The following PKP4 variants were observed in gnomAD, a reference collection of about 807,000 sequenced individuals.
PKP4 encodes plakophilin-4.
Under a neutral mutation model 145.1 loss-of-function variants are expected in PKP4, and 90 were observed. The observed-to-expected ratio is 0.62, with a 90% CI of 0.52 to 0.74. The LOEUF (loss-of-function observed/expected upper bound fraction) is 0.74, where lower values mean the gene tolerates loss of function less well. PKP4 is among the 30% of genes least tolerant of loss of function. PKP4 has a pLI of 0.00. For synonymous variants in PKP4, 563 were observed against 577.2 expected (o/e 0.98, Z 0.35); for missense variants, 1,340 against 1,482.7 (o/e 0.90, Z 1.58).
chr2:158,680,498 C>T lies in PKP4; in HGVS notation c.3400C>T (p.Gln1134Ter). ...KNFDAYRLYL[Q>*]SPHSYEDPYF... ...CTTTGATGCATACAGATTGTATTTG[C>T]AGTCTCCTCATAGCTATGAAGATCC... is the stretch of plus-strand genomic sequence containing the variant. Residue 1134 changes from glutamine (Q) to a stop codon, truncating the protein, a stop_gained, in exon 22 of 22, where the codon CAG becomes TAG. Coordinates refer to ENST00000389759, the MANE Select transcript of PKP4 (RefSeq NM_003628.6). LOFTEE classifies it high-confidence loss of function. 2 of 1,613,108 alleles carry T rather than the reference C, an allele frequency of 1.2e-6. No individual in the cohort carries two copies. The highest frequency in any genetic ancestry group is 1.7e-6 in the Non-Finnish European group (2 of 1,179,046).
At chr2:158,644,582 T>A (rs1292859387) in intron 11 of PKP4, among the ~76,000 whole-genome samples, 2 of 25,240 alleles carry the variant, frequency 7.9e-5, no homozygotes, top group Non-Finnish European at 2.2e-4. Context: ...AGAATACACA[T>A]AACAGATACA....
At chr2:158,477,055 G>A (rs1692589984) in intron 1 of PKP4, among the ~76,000 whole-genome samples, 1 of 149,160 alleles carries the variant, frequency 6.7e-6, no homozygotes, top group Non-Finnish European at 1.5e-5. Context: ...CCTTAAAATT[G>A]GACAATTTTT....
At chr2:158,549,104 T>C (rs1032438646) in intron 2 of PKP4, 4 of 199,120 alleles carry the variant, frequency 2.0e-5, no homozygotes, top group Admixed American at 1.4e-4. Flanking sequence ...CCAATTACAA[T>C]GATAGATATG....
intron 9 of PKP4, among the ~76,000 whole-genome samples, chr2:158,638,880 G>A (rs144341713): frequency 3.5e-4 from 53 of 152,290 alleles, no homozygotes; most frequent in African/African-American, 1.0e-3. Flanking sequence ...TAATCTGCAT[G>A]ACACCCATCT....
intron 2 of PKP4, among the ~76,000 whole-genome samples, chr2:158,550,140 A>AAACTATTAATTCTATTAAT (rs550269421): frequency 6.6e-6 from 1 of 151,864 alleles, no homozygotes; most frequent in Non-Finnish European, 1.5e-5. Context: ...TTCTGCCAAG[A>AAACTATTAATTCTATTAAT]AGAAGTTAAA....
intron 17 of PKP4, among the ~76,000 whole-genome samples, 191 bp downstream of exon 17, chr2:158,670,106 A>G (rs892728066): frequency 2.0e-5 from 3 of 152,096 alleles, no homozygotes; most frequent in African/African-American, 7.2e-5. Context: ...TATGGGGCCT[A>G]TTTTTGGTTT....
At chr2:158,590,381 T>C (rs1158640700) in intron 3 of PKP4, among the ~76,000 whole-genome samples, 1 of 150,134 alleles carries the variant, frequency 6.7e-6, no homozygotes, top group Admixed American at 6.6e-5. Context: ...TTCTAGACTT[T>C]TTTTTTTTTT....
chr2:158,501,494 T>A (rs539631654), intron 1 of PKP4, among the ~76,000 whole-genome samples: 1 of 152,324 alleles, frequency 6.6e-6, no homozygotes, highest in East Asian at 1.9e-4. Context: ...CTGCACAGCC[T>A]CCCTACCTGA....
At chr2:158,513,594 G>A (rs775597651) in intron 1 of PKP4, among the ~76,000 whole-genome samples, 4 of 151,896 alleles carry the variant, frequency 2.6e-5, no homozygotes, top group Non-Finnish European at 5.9e-5. Flanking sequence ...GCTCCTCACC[G>A]GGCTTTCCAG....
At chr2:158,531,707 C>T (rs1251944731) in intron 1 of PKP4, among the ~76,000 whole-genome samples, 5 of 152,140 alleles carry the variant, frequency 3.3e-5, no homozygotes, top group South Asian at 2.1e-4. Flanking sequence ...AGAAACTCCC[C>T]CCAGGGCACT....
In PKP4 at chr2:158,554,186, AGCC is replaced by A. The variant is rs1268999216; in HGVS notation, c.132+20871_132+20873del. 3.3e-3 allele frequency among the ~76,000 whole-genome samples: 497 copies of A among 151,148 alleles called. 2 individuals are homozygous for A. Among genetic ancestry groups the A allele is most frequent in the South Asian group, 7.2e-3 (34 of 4,732 alleles). On this transcript the variant is annotated intron_variant, in intron 2 of 21. Coordinates refer to ENST00000389759, the MANE Select transcript of PKP4 (RefSeq NM_003628.6). ...TTCCTCCTCTCTCCTGACATTCAGT[AGCC>A]TTCTGGCACTCACTGTCATTCGCTG...
intron 1 of PKP4, among the ~76,000 whole-genome samples, chr2:158,470,928 T>TCTTC (rs1195724928): frequency 7.9e-5 from 12 of 152,234 alleles, no homozygotes; most frequent in African/African-American, 2.9e-4. Context: ...AAAACCCCAG[T>TCTTC]CTTCCTTAGG....
intron 1 of PKP4, among the ~76,000 whole-genome samples, chr2:158,514,642 T>TA (rs1339417484): frequency 6.6e-6 from 1 of 152,198 alleles, no homozygotes; most frequent in African/African-American, 2.4e-5. Context: ...AGAGCTACTT[T>TA]AAAAAATTGC....
chr2:158,500,040 C>G (rs959795449), intron 1 of PKP4, among the ~76,000 whole-genome samples: 1 of 152,190 alleles, frequency 6.6e-6, no homozygotes, highest in African/African-American at 2.4e-5. Context: ...GAAAGTCATC[C>G]TCAATACAAA....
At chr2:158,523,660 G>A (rs960394361) in intron 1 of PKP4, among the ~76,000 whole-genome samples, 45 of 134,328 alleles carry the variant, frequency 3.4e-4, no homozygotes, top group Non-Finnish European at 6.5e-4. Flanking sequence ...GAGAGAAGAA[G>A]GTTTCAGACG....
intron 1 of PKP4, among the ~76,000 whole-genome samples, chr2:158,528,669 G>GAAAAAAAAAA (rs59566011): frequency 1.2e-5 from 1 of 85,972 alleles, no homozygotes; most frequent in Admixed American, 1.4e-4. Context: ...CTTACTAAAT[G>GAAAAAAAAAA]AAAAAAAAAA....
At chr2:158,572,727 A>G (rs1328977942) in intron 2 of PKP4, among the ~76,000 whole-genome samples, 2 of 152,344 alleles carry the variant, frequency 1.3e-5, no homozygotes, top group East Asian at 3.9e-4. Context: ...AAAAACTTAA[A>G]TGGTCAATAA....
chr2:158,486,622 C>T (rs1020760285), intron 1 of PKP4, among the ~76,000 whole-genome samples: 1 of 152,200 alleles, frequency 6.6e-6, no homozygotes, highest in African/African-American at 2.4e-5. Flanking sequence ...TACAACTCTT[C>T]TAAACTATAA....
At position 158,643,256 on chromosome 2, in the gene PKP4, C is replaced by T. The variant is rs536265662; in HGVS notation, c.1909+557C>T. Among the ~76,000 whole-genome samples, 63 of 152,216 alleles carry T rather than the reference C, an allele frequency of 4.1e-4. No individual in the cohort carries two copies. The Middle Eastern group carries it at 0.01, about 25-fold the overall frequency. The stretch of plus-strand genomic sequence containing the variant: ...CACTCAACAGAGGTTGCATTGGGCA[C>T]AGAGGATGGGTAACGAAGTTCCCTG... On this transcript the variant is annotated intron_variant, in intron 11 of 21. Coordinates refer to ENST00000389759, the MANE Select transcript of PKP4 (RefSeq NM_003628.6).
Sources: gnomAD v4.1 joint callset for allele counts (sites outside exome capture counted in the v4.1 genomes callset) on GRCh38, gnomAD v4.1.1 for gene constraint, MANE v1.5 for transcripts, NCBI Gene and HGNC (gene_info 2026-07-23, HGNC 2026-07-21) for gene names.